Variants in MAGI2 observed in about 807,000 individuals in gnomAD.
The protein encoded by MAGI2 is membrane-associated guanylate kinase, WW and PDZ domain-containing protein 2.
Under a neutral mutation model 133.3 loss-of-function variants are expected in MAGI2, and 35 were observed. The observed-to-expected ratio is 0.26, with a 90% confidence interval of 0.20 to 0.35. MAGI2 has a LOEUF of 0.35. MAGI2 is among the 10% of genes least tolerant of loss of function. The pLI is 1.00. For synonymous variants in MAGI2, 729 were observed against 710.6 expected (o/e 1.03, Z -0.41); for missense variants, 1,636 against 1,863.4 (o/e 0.88, Z 2.25).
intron 16 of MAGI2, among the ~76,000 whole-genome samples, chr7:78,159,055 C>T (rs753861516): frequency 1.3e-5 from 2 of 152,118 alleles, no homozygotes; most frequent in Non-Finnish European, 2.9e-5. Context: ...ATCAGCACTC[C>T]CCATTTCCCA....
intron 3 of MAGI2, among the ~76,000 whole-genome samples, chr7:78,606,230 C>G (rs1805800855): frequency 6.6e-6 from 1 of 151,956 alleles, no homozygotes; most frequent in Non-Finnish European, 1.5e-5. Context: ...AAAGGTCAAT[C>G]CAGATGGAGG....
intron 9 of MAGI2, among the ~76,000 whole-genome samples, chr7:78,327,099 A>T (rs1584889332): frequency 6.6e-6 from 1 of 151,294 alleles, no homozygotes; most frequent in South Asian, 2.1e-4. Context: ...GACCTCTTTC[A>T]CCTCTGTCAG....
intron 9 of MAGI2, among the ~76,000 whole-genome samples, chr7:78,305,654 AG>A (rs1357044864): frequency 6.6e-6 from 1 of 152,104 alleles, no homozygotes; most frequent in Non-Finnish European, 1.5e-5. Context: ...CTCCTATGCA[AG>A]GGGGACTCAG....
chr7:78,732,308 G>A (rs532496299), intron 2 of MAGI2, among the ~76,000 whole-genome samples: 2 of 152,226 alleles, frequency 1.3e-5, no homozygotes, highest in South Asian at 2.1e-4. Context: ...TATGTCCTAT[G>A]AGGACAGATT....
intron 1 of MAGI2, among the ~76,000 whole-genome samples, chr7:79,302,427 G>T (rs1837458772): frequency 6.6e-6 from 1 of 152,104 alleles, no homozygotes; most frequent in African/African-American, 2.4e-5. Context: ...TTCAGCACAA[G>T]CTAAGGGCTT....
chr7:78,262,782 C>A (rs1232121044), intron 9 of MAGI2, among the ~76,000 whole-genome samples: 1 of 152,102 alleles, frequency 6.6e-6, no homozygotes, highest in Non-Finnish European at 1.5e-5. Context: ...AAGACAAAGG[C>A]CCTTAGATTC....
chr7:79,291,738 T>A (rs1435017240), intron 1 of MAGI2, among the ~76,000 whole-genome samples: 1 of 152,208 alleles, frequency 6.6e-6, no homozygotes, highest in Non-Finnish European at 1.5e-5. Context: ...TTCAGGCCAA[T>A]TTACCCATTT....
At position 79,385,687 on chromosome 7, in the gene MAGI2, G is replaced by A. The variant is rs997800272; in HGVS notation, c.301+67333C>T. On this transcript the variant is annotated intron_variant, in intron 1 of 21. Transcript: ENST00000354212. ...TGAAAGAGTGGTTATCACAGGTGGC[G>A]AGGGGGACGGAAATGGGGAGATGTA... Among the ~76,000 whole-genome samples, 12 of 151,836 alleles carry A rather than the reference G, an allele frequency of 7.9e-5. 1 individual carries two copies. The highest frequency in any genetic ancestry group is 2.9e-4 in the African/African-American group (12 of 41,374).
At chr7:79,049,742 A>T (rs1005102467) in intron 1 of MAGI2, among the ~76,000 whole-genome samples, 1 of 151,478 alleles carries the variant, frequency 6.6e-6, no homozygotes, top group African/African-American at 2.4e-5. Context: ...TACTAAATAC[A>T]CATATTTTGT....
intron 20 of MAGI2, among the ~76,000 whole-genome samples, chr7:78,116,818 C>A (rs1225236776): frequency 6.6e-6 from 1 of 151,766 alleles, no homozygotes; most frequent in Admixed American, 6.6e-5. Flanking sequence ...GTTGATGCTG[C>A]AGTGAGCCAT....
intron 2 of MAGI2, among the ~76,000 whole-genome samples, chr7:78,747,456 G>C (rs1238195081): frequency 1.0e-5 from 1 of 98,146 alleles, no homozygotes; most frequent in Non-Finnish European, 2.2e-5. Context: ...CAGATGAGGT[G>C]ATAAAACCCT....
intron 2 of MAGI2, among the ~76,000 whole-genome samples, chr7:78,673,456 C>A (rs1347873761): frequency 6.6e-6 from 1 of 152,016 alleles, no homozygotes; most frequent in Non-Finnish European, 1.5e-5. Flanking sequence ...GTCCAAGTAC[C>A]AACACCTGAG....
intron 1 of MAGI2, among the ~76,000 whole-genome samples, chr7:79,112,237 A>G (rs1265408980): frequency 1.3e-5 from 2 of 152,132 alleles, no homozygotes; most frequent in African/African-American, 2.4e-5. Flanking sequence ...AAAAAATCTC[A>G]TCAGCACAGC....
chr7:78,444,631 G>A (rs1016793913), intron 6 of MAGI2, among the ~76,000 whole-genome samples: 2 of 151,860 alleles, frequency 1.3e-5, no homozygotes, highest in African/African-American at 4.8e-5. Flanking sequence ...GTTAAGTGAG[G>A]AATAAAAATT....
At chr7:79,096,673 TA>T (rs1271490370) in intron 1 of MAGI2, among the ~76,000 whole-genome samples, 1 of 152,134 alleles carries the variant, frequency 6.6e-6, no homozygotes, top group Non-Finnish European at 1.5e-5. Context: ...ATGCCTTCCT[TA>T]AAAACGAGAA....
intron 6 of MAGI2, among the ~76,000 whole-genome samples, chr7:78,413,359 A>G (rs927226841): frequency 2.5e-4 from 38 of 152,102 alleles, no homozygotes; most frequent in African/African-American, 9.2e-4. Context: ...ATTCATTTAT[A>G]TTTCACAAGT....
At position 79,138,976 on chromosome 7, in the gene MAGI2, C is replaced by CAAA. The variant is rs57907314; in HGVS notation, c.302-131773_302-131771dup. Among the ~76,000 whole-genome samples, 89 of 65,168 alleles carry CAAA rather than the reference C, an allele frequency of 1.4e-3. 1 individual carries two copies. Among genetic ancestry groups the CAAA allele is most frequent in the Non-Finnish European group, 2.3e-3 (77 of 33,010 alleles). The allele number at this position is 65,168 out of a possible 152,430, so 42.8% of individuals were successfully genotyped here. ...GGATGACAGAGACAGACTCTTGTCT[C>CAAA]AAAAAAAAAAAAAAAAAAAAAAAGA... On this transcript the variant is annotated intron_variant, in intron 1 of 21. Transcript: ENST00000354212.
Position 79,196,959 on chromosome 7 carries a change from G to T in MAGI2, c.302-189753C>A, listed in dbSNP as rs116263954. Among the ~76,000 whole-genome samples, 1,475 of 150,442 alleles carry T rather than the reference G, an allele frequency of 9.8e-3. 40 individuals carry two copies. Among genetic ancestry groups the T allele is most frequent in the African/African-American group, 0.031 (1,286 of 40,852 alleles). On this transcript the variant is annotated intron_variant, in intron 1 of 21. Transcript: ENST00000354212. ...ATTTTTGATTTTTTATATATATAGA[G>T]AGAGAGAGACTGGGTTTTGCCATGT...
chr7:79,064,469 G>A (rs190195873), intron 1 of MAGI2, among the ~76,000 whole-genome samples: 14 of 152,096 alleles, frequency 9.2e-5, no homozygotes, highest in Admixed American at 7.2e-4. Flanking sequence ...TTTTAGAAGA[G>A]GAAGAAGATT....
Sources: allele counts gnomAD v4.1 joint callset (sites outside exome capture counted in the v4.1 genomes callset), GRCh38; gene constraint gnomAD v4.1.1; transcripts MANE v1.5; gene names NCBI Gene and HGNC (gene_info 2026-07-23, HGNC 2026-07-21).